The following LRP4 variants were observed in gnomAD, a reference collection of about 807,000 sequenced individuals.
LRP4 encodes LDL receptor related protein 4.
LRP4 carries 95 observed loss-of-function variants against 220.3 expected under a neutral mutation model. The ratio of observed to expected loss-of-function variants is 0.43; its 90% CI spans 0.37 to 0.51. The LOEUF is 0.51. Ranked by LOEUF, LRP4 falls within the 20% of genes least tolerant of loss-of-function variation. The pLI, the probability that LRP4 is intolerant of heterozygous loss-of-function variation, is 0.00. For synonymous variants in LRP4, 903 were observed against 954.6 expected (o/e 0.95, Z 1.00); for missense variants, 1,925 against 2,567.0 (o/e 0.75, Z 5.40).
At chr11:46,887,746 G>A (rs538782813) in intron 16 of LRP4, among the ~76,000 whole-genome samples, 2 of 151,888 alleles carry the variant, frequency 1.3e-5, no homozygotes, top group Non-Finnish European at 2.9e-5. Flanking sequence ...CAGAAGAATC[G>A]CTTGAACCAG....
Position 46,879,553 on chromosome 11 carries a change from C to T in LRP4, c.2815-238G>A, listed in dbSNP as rs144934601. On this transcript the variant is annotated intron_variant, in intron 20 of 37. Transcript: ENST00000378623. ...GGAAGATGTTGGAAGTCATCTATTACTCACATCATCTCAAAGTATCTCTGG... is the reference window on the plus strand; with the variant it reads ...GGAAGATGTTGGAAGTCATCTATTATTCACATCATCTCAAAGTATCTCTGG... Among the ~76,000 whole-genome samples, 418 of 152,344 alleles carry T rather than the reference C, an allele frequency of 2.7e-3. 2 individuals carry two copies. Among genetic ancestry groups the T allele is most frequent in the African/African-American group, 9.5e-3 (396 of 41,576 alleles).
In LRP4 at chr11:46,890,234, G is replaced by A; in HGVS notation, c.1915+43C>T. ...AGGCTCCTGGGGGGCAGGGACGGGG[G>A]CAGGAGGACAAGAGATGAAGGAGAC... On this transcript the variant is annotated intron_variant, in intron 14 of 37. Coordinates refer to ENST00000378623, the MANE Select transcript of LRP4 (RefSeq NM_002334.4). The surrounding 1 kb of genome is among the most constrained non-coding windows in gnomAD (Gnocchi z 5.3). 2.5e-6 allele frequency: 4 copies of A among 1,607,412 alleles called. No individual in the cohort carries two copies. Among genetic ancestry groups the A allele is most frequent in the African/African-American group, 1.3e-5 (1 of 74,890 alleles).
At chr11:46,900,479 TTTC>T (rs1941644422) in intron 2 of LRP4, 101 bp from the exon 3 acceptor site, 1 of 812,336 alleles carries the variant, frequency 1.2e-6, no homozygotes. Flanking sequence ...CTTGTCTTTT[TTTC>T]TTTTTTTGAG....
In LRP4 at chr11:46,911,588, CAA is replaced by C. The variant is rs1224666465; in HGVS notation, c.52+6738_52+6739del. On this transcript the variant is annotated intron_variant, in intron 1 of 37. Coordinates refer to ENST00000378623, the MANE Select transcript of LRP4 (RefSeq NM_002334.4). ...TTGGCAATAGAGTGAGAACCTGTCT[CAA>C]AAAAAAAAAATAAATAAATAAATAA... Among the ~76,000 whole-genome samples the C allele has an allele frequency of 2.7e-3, 77 of 29,024 alleles. 1 individual carries two copies. Among genetic ancestry groups the C allele is most frequent in the Non-Finnish European group, 5.2e-3 (63 of 12,176 alleles). 19.0% of individuals were successfully genotyped at this position (29,024 alleles called of 152,430 possible). A position where few individuals can be genotyped will look rare whatever the true frequency, so the allele number is the denominator to read the frequency against.
At chr11:46,869,605 TG>T (rs1458437715) in intron 31 of LRP4, among the ~76,000 whole-genome samples, 4 of 152,296 alleles carry the variant, frequency 2.6e-5, no homozygotes, top group African/African-American at 9.6e-5. Flanking sequence ...TCTTTACTTC[TG>T]TAGGCAGCTT....
rs772757187 is a variant in LRP4, at chr11:46,903,038, TCA to T, written c.53-111_53-110del. The T allele has an allele frequency of 5.9e-4, 787 of 1,322,954 alleles. 2 individuals are homozygous for T. Among genetic ancestry groups the T allele is most frequent in the Non-Finnish European group, 8.0e-4 (744 of 930,598 alleles). The allele number at this position is 1,322,954 out of a possible 1,614,324, so 82.0% of individuals were successfully genotyped here. ...TCCAGGGGCACTGTCACCTGGAGAG[TCA>T]CAGTGACACTTCAAGGGAGATGCAG... On this transcript the variant is annotated intron_variant, in intron 1 of 37. Coordinates refer to ENST00000378623, the MANE Select transcript of LRP4 (RefSeq NM_002334.4).
chr11:46,903,084 C>T (rs1299908476), intron 1 of LRP4, among the ~76,000 whole-genome samples, 155 bp from the exon 2 acceptor site: 8 of 152,196 alleles, frequency 5.3e-5, no homozygotes, highest in African/African-American at 1.7e-4. Context: ...ACCATGCCTC[C>T]TCCAGGGCAT....
Position 46,877,259 on chromosome 11 carries a change from C to T in LRP4, c.3217G>A (p.Val1073Met). 2 of 1,613,892 alleles carry T rather than the reference C, an allele frequency of 1.2e-6. No individual in the cohort carries two copies. Among genetic ancestry groups the T allele is most frequent in the South Asian group, 1.1e-5 (1 of 91,068 alleles). ...TTCATGGTAATGTTGATTGGTACCA[C>T]CACATCAGCAAAATAAGGGATGTCC... ...SLDIPYFADV[V>M]VPINITMKNT... The change falls in exon 23 of 38, where the codon GTG becomes ATG. Residue 1073 changes from valine (V) to methionine (M), a missense_variant. This residue lies in a region of LRP4 where 1,244 missense variants were observed against 1,624.9 expected (regional missense o/e 0.77). Transcript: ENST00000378623.
intron 19 of LRP4, among the ~76,000 whole-genome samples, chr11:46,882,942 A>C (rs1167604636): frequency 1.3e-5 from 2 of 152,202 alleles, no homozygotes; most frequent in South Asian, 4.1e-4. Context: ...CAAGCAGAAA[A>C]AAAGTCACAA....
At chr11:46,889,910 G>C (rs1453320001) in intron 15 of LRP4, 34 bp downstream of exon 15, 8 of 1,613,404 alleles carry the variant, frequency 5.0e-6, no homozygotes, top group Non-Finnish European at 6.8e-6. Context: ...CAACCATGAG[G>C]CTACTTTGGC....
Position 46,861,523 on chromosome 11 carries a change from C to CTTTTTTTTTTTT in LRP4, c.5385+1071_5385+1082dup, listed in dbSNP as rs576719115. Among the ~76,000 whole-genome samples the CTTTTTTTTTTTT allele has an allele frequency of 4.4e-4, 37 of 83,492 alleles. 3 individuals carry two copies. Among genetic ancestry groups the CTTTTTTTTTTTT allele is most frequent in the Non-Finnish European group, 5.9e-4 (28 of 47,102 alleles). The allele number at this position is 83,492 out of a possible 152,430, so 54.8% of individuals were successfully genotyped here. On this transcript the variant is annotated intron_variant, in intron 37 of 37. Transcript: ENST00000378623. Reference sequence around the variant, plus strand: ...AGTTAGTTTCCTTGTGGAAATGGGACTTTTTTTTTTTTTTTTTTTTTTGAG... The same window carrying CTTTTTTTTTTTT: ...AGTTAGTTTCCTTGTGGAAATGGGACTTTTTTTTTTTTTTTTTTTTTTTTTTTTTTTTTTGAG...
intron 1 of LRP4, 108 bp from the exon 2 acceptor site, chr11:46,903,037 G>A (rs562665635): frequency 7.5e-7 from 1 of 1,340,662 alleles, no homozygotes; most frequent in South Asian, 1.2e-5. Flanking sequence ...CACCTGGAGA[G>A]TCACAGTGAC....
In LRP4 at chr11:46,898,618, C is replaced by A. The variant is rs1391520154; in HGVS notation, c.736G>T (p.Ala246Ser). The A allele has an allele frequency of 6.2e-7, 1 of 1,614,082 alleles. No individual in the cohort carries two copies. Among genetic ancestry groups the A allele is most frequent in the East Asian group, 2.2e-5 (1 of 44,896 alleles). Residue 246 changes from alanine to serine, a missense_variant, in exon 7 of 38, where the codon GCA (alanine) becomes TCA (serine). Physicochemically the swap from Ala to Ser is moderately conservative, Grantham distance 99. Coordinates refer to ENST00000378623, the MANE Select transcript of LRP4 (RefSeq NM_002334.4). ...FMCDSGLCIN[A>S]GWRCDGDADC... ...GCGTCACCATCGCAGCGCCAGCCTG[C>A]ATTGATGCACAGGCCACTGTCACAC...
chr11:46,911,929 G>A (rs1220764962), intron 1 of LRP4, among the ~76,000 whole-genome samples: 1 of 145,896 alleles, frequency 6.9e-6, no homozygotes, highest in East Asian at 2.0e-4. Flanking sequence ...TGCAACCTCT[G>A]CCTCCCAGGT....
In LRP4 at chr11:46,869,074, T is replaced by C. The variant is rs1940790095; in HGVS notation, c.4751A>G (p.Lys1584Arg). The change falls in exon 32 of 38, where the codon AAA (lysine) becomes AGA (arginine). Residue 1584 changes from lysine (K) to arginine (R), a missense_variant. By Grantham distance (26) the Lys-to-Arg change is conservative. Transcript: ENST00000378623. ...WQTKSIQRVDKYSGRNKETVL... is the reference protein window; with the variant it reads ...WQTKSIQRVDRYSGRNKETVL... ...TGTCTCCTTGTTCCGGCCTGAGTAT[T>C]TGTCAACACGCTGGATTGACTTGGT... The C allele has an allele frequency of 8.7e-6, 14 of 1,614,048 alleles. No homozygotes were observed. The highest frequency in any genetic ancestry group is 1.0e-5 in the Non-Finnish European group (12 of 1,180,048).
At chr11:46,865,222 C>T (rs551752425) in intron 34 of LRP4, 36 bp from the exon 35 acceptor site, 3 of 1,473,272 alleles carry the variant, frequency 2.0e-6, no homozygotes, top group Non-Finnish European at 2.8e-6. Context: ...GAAGCCTACT[C>T]ATACTCAGTG....
rs556905132 is a variant in LRP4, at chr11:46,895,981, G to A, written c.1086C>T (p.Asn362=). The A allele has an allele frequency of 3.1e-5, 50 of 1,614,102 alleles. No individual in the cohort carries two copies. The highest frequency in any genetic ancestry group is 6.7e-5 in the African/African-American group (5 of 75,062). ...TCTGGCACTTCTGGGCACAGCCACC[G>A]TTGTTAACATTGCAGTTCTCCTCAC... The part of the protein sequence containing the change: ...RTGEENCNVN[N]GGCAQKCQMV... The change falls in exon 10 of 38, where the codon AAC becomes AAT. Residue 362 remains asparagine, a synonymous_variant. Coordinates refer to ENST00000378623, the MANE Select transcript of LRP4 (RefSeq NM_002334.4).
intron 12 of LRP4, among the ~76,000 whole-genome samples, chr11:46,893,782 T>A (rs1230618125): frequency 6.6e-6 from 1 of 151,844 alleles, no homozygotes; most frequent in African/African-American, 2.4e-5. Context: ...GTATTTTTAA[T>A]AGAGATGGGG....
intron 31 of LRP4, among the ~76,000 whole-genome samples, chr11:46,869,403 T>C (rs1348346353): frequency 6.6e-6 from 1 of 152,234 alleles, no homozygotes; most frequent in African/African-American, 2.4e-5. Context: ...TTTACTGGTC[T>C]GTCCATCCTA....
Sources: gnomAD v4.1 joint callset for allele counts (sites outside exome capture counted in the v4.1 genomes callset) on GRCh38, gnomAD v4.1.1 for gene constraint, gnomAD v4.1.1 regional missense constraint, Gnocchi (gnomAD v3.1) non-coding constraint, MANE v1.5 for transcripts, NCBI Gene and HGNC (gene_info 2026-07-23, HGNC 2026-07-21) for gene names.